The following VCAN variants were observed in gnomAD, a reference collection of about 807,000 sequenced individuals.
VCAN encodes versican, also known as versican core protein.
VCAN carries 44 observed loss-of-function variants against 245.5 expected under a neutral mutation model. That is an observed-to-expected ratio of 0.18 (90% CI 0.14 to 0.23). VCAN has a LOEUF of 0.23. VCAN is among the 10% of genes least tolerant of loss of function. The pLI is 1.00. For missense variants in VCAN, 3,793 were observed against 4,057.9 expected (o/e 0.93, Z 1.77); for synonymous variants, 1,413 against 1,437.0 (o/e 0.98, Z 0.38).
At chr5:83,534,356 T>G (rs1746627657) in intron 7 of VCAN, among the ~76,000 whole-genome samples, 1 of 152,076 alleles carries the variant, frequency 6.6e-6, no homozygotes, top group African/African-American at 2.4e-5. Flanking sequence ...TATCCTTGTG[T>G]TTTGCTGGAG....
Position 83,567,124 on chromosome 5 carries a change from T to G in VCAN, c.9736-5292T>G, listed in dbSNP as rs573969411. ...CGAAATGGTAGCCCTTTTTGGCATG[T>G]TATTACAGACCTGGAGAACTAGTTA... is the stretch of plus-strand genomic sequence containing the variant. On this transcript the variant is annotated intron_variant, in intron 12 of 14. Transcript: ENST00000265077. Among the ~76,000 whole-genome samples, 80 of 152,274 alleles carry G rather than the reference T, an allele frequency of 5.3e-4. 1 individual carries two copies. Among genetic ancestry groups the G allele is most frequent in the African/African-American group, 1.9e-3 (79 of 41,540 alleles).
intron 6 of VCAN, among the ~76,000 whole-genome samples, chr5:83,516,353 C>G (rs1208134378): frequency 6.6e-6 from 1 of 152,088 alleles, no homozygotes; most frequent in Admixed American, 6.6e-5. Flanking sequence ...GTTTTATAAC[C>G]ATGTTTACAT....
At position 83,497,934 on chromosome 5, in the gene VCAN, A is replaced by G. The variant is rs150555935; in HGVS notation, c.748+4003A>G. Among the ~76,000 whole-genome samples the G allele has an allele frequency of 7.2e-3, 1,091 of 152,276 alleles. 8 individuals are homozygous for G. The highest frequency in any genetic ancestry group is 0.044 in the Middle Eastern group (13 of 294). On this transcript the variant is annotated intron_variant, in intron 5 of 14. Transcript: ENST00000265077. ...AGATGAGGTCCTATTACCTTCTTTCATTGTTGACCCACTTAGTTTCCTTGC... is the reference window on the plus strand; with the variant it reads ...AGATGAGGTCCTATTACCTTCTTTCGTTGTTGACCCACTTAGTTTCCTTGC...
chr5:83,517,353 C>T (rs1490496124), intron 6 of VCAN, among the ~76,000 whole-genome samples: 4 of 152,190 alleles, frequency 2.6e-5, no homozygotes, highest in Non-Finnish European at 2.9e-5. Flanking sequence ...TTAATTTCAT[C>T]AGCCAAGGAA....
intron 8 of VCAN, among the ~76,000 whole-genome samples, chr5:83,543,745 T>G (rs1231631956): frequency 8.5e-5 from 13 of 152,198 alleles, no homozygotes; most frequent in Admixed American, 8.5e-4. Flanking sequence ...ATGAGAAATA[T>G]GTACCAATTT....
chr5:83,490,428 A>G lies in VCAN; in HGVS notation c.401A>G (p.Tyr134Cys), dbSNP rs1258966492. 6.2e-7 allele frequency: 1 copy of G among 1,614,180 alleles called. No homozygotes were observed. Among genetic ancestry groups the G allele is most frequent in the Admixed American group, 1.7e-5 (1 of 60,024 alleles). Residue 134 changes from tyrosine to cysteine, a missense_variant, in exon 3 of 15, where the codon TAC becomes TGC. This residue lies in a region of VCAN where 179 missense variants were observed against 169.7 expected (regional missense o/e 1.05). Transcript: ENST00000265077. ...GGTCTTTACCGCTGTGACGTCATGTACGGGATTGAAGACACACAAGACACG... is the reference window on the plus strand; with the variant it reads ...GGTCTTTACCGCTGTGACGTCATGTGCGGGATTGAAGACACACAAGACACG... ...DAGLYRCDVM[Y>C]GIEDTQDTVS... is the part of the protein sequence containing the mutation.
At chr5:83,511,582 T>A (rs1483601682) in intron 5 of VCAN, among the ~76,000 whole-genome samples, 2 of 152,006 alleles carry the variant, frequency 1.3e-5, no homozygotes, top group African/African-American at 2.4e-5. Flanking sequence ...TTTTTTTTTT[T>A]TTTATTTAAT....
At chr5:83,509,208 A>T (rs1187128979) in intron 5 of VCAN, among the ~76,000 whole-genome samples, 1 of 152,252 alleles carries the variant, frequency 6.6e-6, no homozygotes, top group Non-Finnish European at 1.5e-5. Flanking sequence ...TGAATATCGT[A>T]TACTTCAAAC....
Position 83,521,217 on chromosome 5 carries a change from C to T in VCAN, c.2911C>T (p.His971Tyr). The change falls in exon 7 of 15, where the codon CAT becomes TAT. Residue 971 changes from histidine (H) to tyrosine (Y), a missense_variant. Transcript: ENST00000265077. ...GCCTACTACTTATGTAGACTCTTCC[C>T]ATACCATTCCTCTTTCTGTAATTCC... ...QEPTTYVDSS[H>Y]TIPLSVIPKT... 2 of 1,613,948 alleles carry T rather than the reference C, an allele frequency of 1.2e-6. No individual in the cohort carries two copies. The highest frequency in any genetic ancestry group is 8.5e-7 in the Non-Finnish European group (1 of 1,179,848).
chr5:83,551,499 G>A (rs960368788), intron 10 of VCAN, among the ~76,000 whole-genome samples: 1 of 151,410 alleles, frequency 6.6e-6, no homozygotes, highest in Non-Finnish European at 1.5e-5. Context: ...GTGACAAAGC[G>A]AGACTCCACC....
At chr5:83,535,561 A>G (rs2112436411) in intron 7 of VCAN, 1 of 152,280 alleles carries the variant, frequency 6.6e-6, no homozygotes, top group Admixed American at 6.5e-5. Flanking sequence ...GATTCATAAA[A>G]TAGATTAGAA....
At chr5:83,499,760 A>C (rs1353026772) in intron 5 of VCAN, among the ~76,000 whole-genome samples, 2 of 151,964 alleles carry the variant, frequency 1.3e-5, no homozygotes, top group Non-Finnish European at 2.9e-5. Context: ...CCTATTCATC[A>C]ATTATAGGTT....
chr5:83,524,392 G>A (rs1746212021), intron 7 of VCAN, among the ~76,000 whole-genome samples: 1 of 152,020 alleles, frequency 6.6e-6, no homozygotes, highest in African/African-American at 2.4e-5. Context: ...ATAATATTAG[G>A]TCAGAAAACC....
chr5:83,577,834 AT>A (rs1208314626), intron 13 of VCAN, among the ~76,000 whole-genome samples: 1 of 152,144 alleles, frequency 6.6e-6, no homozygotes, highest in Non-Finnish European at 1.5e-5. Flanking sequence ...TATCAAGCAT[AT>A]GTGTGTAAAT....
chr5:83,528,989 T>TACACACACACACACACAC lies in VCAN; in HGVS notation c.4003+6700_4003+6717dup, dbSNP rs58804437. The stretch of plus-strand genomic sequence containing the variant: ...AATCACAGGGTTTATGAAACAAAGA[T>TACACACACACACACACAC]ACACACACACACACACACACACACA... On this transcript the variant is annotated intron_variant, in intron 7 of 14. Transcript: ENST00000265077. Among the ~76,000 whole-genome samples the TACACACACACACACACAC allele has an allele frequency of 2.8e-3, 398 of 141,486 alleles. 3 individuals are homozygous for TACACACACACACACACAC. The highest frequency in any genetic ancestry group is 5.3e-3 in the East Asian group (25 of 4,752). The allele number at this position is 141,486 out of a possible 152,430, so 92.8% of individuals were successfully genotyped here. A position where few individuals can be genotyped will look rare whatever the true frequency, so the allele number is the denominator to read the frequency against.
Position 83,540,848 on chromosome 5 carries a change from C to A in VCAN, c.7845C>A (p.Asp2615Glu). 6.2e-7 allele frequency: 1 copy of A among 1,613,962 alleles called. No individual in the cohort carries two copies. The highest frequency in any genetic ancestry group is 8.5e-7 in the Non-Finnish European group (1 of 1,179,962). ...PHDSNDESNDDSTQVQEIYEA... is the reference protein window; with the variant it reads ...PHDSNDESNDESTQVQEIYEA... ...ACAGTAATGATGAAAGTAATGATGA[C>A]AGCACTCAAGTTCAAGAGATCTATG... Residue 2615 changes from aspartate (D) to glutamate (E), a missense_variant, in exon 8 of 15, where the codon GAC becomes GAA. Physicochemically the swap from Asp to Glu is conservative, Grantham distance 45 (BLOSUM62 2). This residue lies in a region of VCAN where 3,182 missense variants were observed against 3,250.3 expected (regional missense o/e 0.98). Coordinates refer to ENST00000265077, the MANE Select transcript of VCAN (RefSeq NM_004385.5).
chr5:83,578,711 C>T (rs1748562555), intron 13 of VCAN, among the ~76,000 whole-genome samples: 1 of 151,974 alleles, frequency 6.6e-6, no homozygotes, highest in Non-Finnish European at 1.5e-5. Context: ...TGAATATTTG[C>T]AATATTTCAT....
intron 6 of VCAN, among the ~76,000 whole-genome samples, chr5:83,518,299 G>T (rs1183569949): frequency 1.3e-5 from 2 of 152,098 alleles, no homozygotes; most frequent in South Asian, 2.1e-4. Flanking sequence ...TGTTGAGAAA[G>T]AATCTTGTTT....
At chr5:83,484,281 AAAGTTT>A (rs1744717124) in intron 2 of VCAN, among the ~76,000 whole-genome samples, 1 of 152,138 alleles carries the variant, frequency 6.6e-6, no homozygotes, top group African/African-American at 2.4e-5. Flanking sequence ...TCCTTTTGCT[AAAGTTT>A]AAGTCATCCA....
Sources: allele counts gnomAD v4.1 joint callset (sites outside exome capture counted in the v4.1 genomes callset), GRCh38; gene constraint gnomAD v4.1.1; regional missense constraint gnomAD v4.1.1; transcripts MANE v1.5; gene names NCBI Gene and HGNC (gene_info 2026-07-23, HGNC 2026-07-21).